SDK1: variants seen among roughly 807,000 people sequenced by gnomAD.
The protein encoded by SDK1 is sidekick cell adhesion molecule 1, also known as protein sidekick-1.
Under a neutral mutation model 245.5 loss-of-function variants are expected in SDK1, and 157 were observed. That is an observed-to-expected ratio of 0.64 (90% CI 0.56 to 0.73). The LOEUF is 0.73. Among genes scored for constraint, SDK1 ranks in the 30% least tolerant of loss-of-function variants. SDK1 has a pLI of 0.00. For missense variants in SDK1, 3,583 were observed against 3,002.3 expected (o/e 1.19, Z -4.52); for synonymous variants, 1,647 against 1,278.5 (o/e 1.29, Z -6.15).
intron 16 of SDK1, among the ~76,000 whole-genome samples, chr7:4,012,580 T>C (rs1786074920): frequency 1.1e-5 from 1 of 94,204 alleles, no homozygotes; most frequent in Non-Finnish European, 2.0e-5. Flanking sequence ...TTTTTTTTTT[T>C]TTTTTTTTTT....
At chr7:3,433,968 G>A (rs17133352) in intron 1 of SDK1, among the ~76,000 whole-genome samples, 1,644 of 152,182 alleles carry the variant, frequency 0.011, 69 homozygotes, top group East Asian at 0.11. Context: ...CATAACTACC[G>A]CAATGCATTA....
At chr7:4,114,481 G>A (rs1406636416) in intron 25 of SDK1, among the ~76,000 whole-genome samples, 1 of 152,156 alleles carries the variant, frequency 6.6e-6, no homozygotes, top group Admixed American at 6.5e-5. Flanking sequence ...ATTGGAAACT[G>A]GTGATGATTT....
In SDK1 at chr7:4,178,605, C is replaced by T. The variant is rs376716019; in HGVS notation, c.5098+19C>T. 13 of 1,573,394 alleles carry T rather than the reference C, an allele frequency of 8.3e-6. No homozygotes were observed. The highest frequency in any genetic ancestry group is 1.3e-5 in the African/African-American group (1 of 74,234). On this transcript the variant is annotated intron_variant, in intron 35 of 44. Coordinates refer to ENST00000404826, the MANE Select transcript of SDK1 (RefSeq NM_152744.4). ...GAGGCTGGTAAGCTCCGTGCACCCC[C>T]AACCCCACTGCCAGAGAGGGCCACA...
chr7:4,037,048 A>C (rs1353404998), intron 17 of SDK1, among the ~76,000 whole-genome samples: 1 of 152,204 alleles, frequency 6.6e-6, no homozygotes, highest in Non-Finnish European at 1.5e-5. Flanking sequence ...CCCCTTCACC[A>C]AAAGTAATAA....
chr7:4,148,987 CAG>C (rs2128207775), intron 29 of SDK1, among the ~76,000 whole-genome samples: 1 of 152,316 alleles, frequency 6.6e-6, no homozygotes, highest in African/African-American at 2.4e-5. Flanking sequence ...ACCCAGGAGA[CAG>C]AGGTTGTAGT....
rs370464263 is a variant in SDK1, at chr7:3,311,332, T to C, written c.298+9448T>C. 2.6e-3 allele frequency among the ~76,000 whole-genome samples: 391 copies of C among 152,222 alleles called. 5 individuals are homozygous for C. The highest frequency in any genetic ancestry group is 9.0e-3 in the African/African-American group (374 of 41,516). On this transcript the variant is annotated intron_variant, in intron 1 of 44. Coordinates refer to ENST00000404826, the MANE Select transcript of SDK1 (RefSeq NM_152744.4). ...GTAAATAGATGAGAACAAAAGGCCA[T>C]TGGATTTGTTGATTACATGGGTAAT...
intron 5 of SDK1, among the ~76,000 whole-genome samples, chr7:3,864,455 A>C (rs1314404618): frequency 2.0e-5 from 3 of 152,246 alleles, no homozygotes; most frequent in Non-Finnish European, 4.4e-5. Flanking sequence ...TCTGTTGAAG[A>C]ATAAGACAAA....
At chr7:3,635,071 C>T (rs1782414513) in intron 2 of SDK1, among the ~76,000 whole-genome samples, 2 of 152,338 alleles carry the variant, frequency 1.3e-5, no homozygotes, top group South Asian at 4.1e-4. Flanking sequence ...GCTAATCTCA[C>T]AGCTCCCCTC....
chr7:3,585,079 G>T (rs1780641409), intron 1 of SDK1, among the ~76,000 whole-genome samples: 1 of 152,086 alleles, frequency 6.6e-6, no homozygotes, highest in East Asian at 1.9e-4. Context: ...TCCTGTGCCT[G>T]TTTCCCTACA....
intron 5 of SDK1, among the ~76,000 whole-genome samples, chr7:3,894,698 C>CTTTT (rs942252289): frequency 1.3e-4 from 17 of 135,468 alleles, no homozygotes; most frequent in African/African-American, 4.1e-4. Flanking sequence ...ACTATTTTTT[C>CTTTT]TTTTTTTTTT....
chr7:3,349,911 A>G (rs956683223), intron 1 of SDK1, among the ~76,000 whole-genome samples: 1 of 152,170 alleles, frequency 6.6e-6, no homozygotes, highest in African/African-American at 2.4e-5. Flanking sequence ...CTAAGAGTAC[A>G]TGTATCTTAA....
chr7:3,597,638 G>T (rs558267398), intron 1 of SDK1, among the ~76,000 whole-genome samples: 4 of 152,168 alleles, frequency 2.6e-5, no homozygotes, highest in Admixed American at 1.3e-4. Flanking sequence ...GTTTGATTAG[G>T]TCGCATTTAG....
At chr7:3,663,386 C>T (rs1445389961) in intron 4 of SDK1, among the ~76,000 whole-genome samples, 1 of 152,108 alleles carries the variant, frequency 6.6e-6, no homozygotes, top group African/African-American at 2.4e-5. Context: ...GTGTTTTTAA[C>T]TAAATGAAAT....
At chr7:4,129,662 A>G in intron 26 of SDK1, 1 of 1,375,042 alleles carries the variant, frequency 7.3e-7, no homozygotes, top group Non-Finnish European at 9.4e-7. Flanking sequence ...GATTATGACC[A>G]GGCAGCAGGC....
intron 2 of SDK1, among the ~76,000 whole-genome samples, chr7:3,636,019 T>A (rs778264740): frequency 2.6e-5 from 4 of 152,262 alleles, no homozygotes; most frequent in African/African-American, 9.6e-5. Flanking sequence ...TGATGTACCT[T>A]ATTCAACTGC....
intron 5 of SDK1, among the ~76,000 whole-genome samples, chr7:3,922,573 A>G (rs1362187943): frequency 6.6e-6 from 1 of 152,236 alleles, no homozygotes; most frequent in African/African-American, 2.4e-5. Flanking sequence ...AACATTCCGT[A>G]GATGTTACTT....
At chr7:3,741,720 A>G (rs1779479703) in intron 4 of SDK1, among the ~76,000 whole-genome samples, 1 of 152,160 alleles carries the variant, frequency 6.6e-6, no homozygotes, top group African/African-American at 2.4e-5. Context: ...AAAGACAGGA[A>G]CTATTGGGAT....
At chr7:3,986,199 T>C (rs79983813) in intron 13 of SDK1, among the ~76,000 whole-genome samples, 1 of 42,128 alleles carries the variant, frequency 2.4e-5, no homozygotes, top group African/African-American at 5.4e-5. Context: ...CAGTAAAAAC[T>C]TTTTTTTTTT....
rs967997733 is a variant in SDK1, at chr7:4,143,425, G to A, written c.4229-2297G>A. Among the ~76,000 whole-genome samples, 14 of 152,252 alleles carry A rather than the reference G, an allele frequency of 9.2e-5. No individual in the cohort carries two copies. In the East Asian group the frequency reaches 2.7e-3, roughly 29 times the overall value. ...AACCAGGCATGGCTGTGCCAGCCAG[G>A]TCATTACCACCGTGAGCCCCCAGAG... On this transcript the variant is annotated intron_variant, in intron 28 of 44. Coordinates refer to ENST00000404826, the MANE Select transcript of SDK1 (RefSeq NM_152744.4).
Sources: allele counts gnomAD v4.1 joint callset (sites outside exome capture counted in the v4.1 genomes callset), GRCh38; gene constraint gnomAD v4.1.1; transcripts MANE v1.5; gene names NCBI Gene and HGNC (gene_info 2026-07-23, HGNC 2026-07-21).